Variants in KCNT1 observed in about 807,000 individuals in gnomAD.
KCNT1 encodes the protein potassium channel subfamily T member 1.
In KCNT1, 78 loss-of-function variants were observed where a neutral mutation model predicts 147.8. That is an observed-to-expected ratio of 0.53 (90% CI 0.44 to 0.64). The LOEUF (loss-of-function observed/expected upper bound fraction) is 0.64. KCNT1 is among the 30% of genes least tolerant of loss of function. KCNT1 has a pLI of 0.00. For missense variants in KCNT1, 1,419 were observed against 1,750.3 expected (o/e 0.81, Z 3.38); for synonymous variants, 867 against 748.8 (o/e 1.16, Z -2.58).
intron 2 of KCNT1, among the ~76,000 whole-genome samples, chr9:135,743,109 G>A (rs891731640): frequency 1.7e-4 from 26 of 152,250 alleles, no homozygotes; most frequent in African/African-American, 5.1e-4. Flanking sequence ...TTGTCATGGT[G>A]CCTCCCAGGG....
chr9:135,723,627 T>TG (rs1031051493), intron 2 of KCNT1, among the ~76,000 whole-genome samples: 1 of 152,116 alleles, frequency 6.6e-6, no homozygotes, highest in African/African-American at 2.4e-5. Flanking sequence ...CCCTGGGGCT[T>TG]GGGGGGCCTC....
chr9:135,745,426 G>A (rs983149255), intron 2 of KCNT1, among the ~76,000 whole-genome samples: 18 of 152,200 alleles, frequency 1.2e-4, no homozygotes, highest in African/African-American at 3.9e-4. Context: ...CCGGGGTCCC[G>A]CCTCTGCCCG....
Position 135,769,267 on chromosome 9 carries a change from A to G in KCNT1, c.1510+330A>G, listed in dbSNP as rs1427897438. ...TGTGTCTGGGGCAGGGCGCGTGTGC[A>G]TGCTGTTGGGTGATGGTGCGTCTGG... On this transcript the variant is annotated intron_variant, in intron 15 of 30. Coordinates refer to ENST00000371757, the MANE Select transcript of KCNT1 (RefSeq NM_020822.3). Among the ~76,000 whole-genome samples the G allele has an allele frequency of 7.1e-5, 6 of 85,026 alleles. No individual in the cohort carries two copies. In the Admixed American group the frequency reaches 7.1e-4, roughly 10 times the overall value. The allele number at this position is 85,026 out of a possible 152,430, so 55.8% of individuals were successfully genotyped here.
chr9:135,783,161 C>T (rs1002646185), intron 24 of KCNT1, among the ~76,000 whole-genome samples: 4 of 152,204 alleles, frequency 2.6e-5, no homozygotes, highest in Admixed American at 6.5e-5. Context: ...GTGGATGTAC[C>T]GCCTCACGTG....
chr9:135,750,281 TC>T, intron 3 of KCNT1, 104 bp downstream of exon 3: 1 of 883,710 alleles, frequency 1.1e-6, no homozygotes, highest in Non-Finnish European at 1.8e-6. Context: ...TCAGGGAGAG[TC>T]CATGGGGTGG....
intron 1 of KCNT1, among the ~76,000 whole-genome samples, chr9:135,708,296 T>TACATGCATGCAATCCCATCCAC (rs759343196): frequency 6.6e-6 from 1 of 152,198 alleles, no homozygotes; most frequent in Non-Finnish European, 1.5e-5. Flanking sequence ...ACATTGTACA[T>TACATGCATGCAATCCCATCCAC]ACATGCATGC....
chr9:135,777,295 C>T (rs779584784), intron 20 of KCNT1, 43 bp from the exon 21 acceptor site: 2 of 1,589,440 alleles, frequency 1.3e-6, no homozygotes, highest in Non-Finnish European at 1.7e-6. Context: ...CCAGCAGGAA[C>T]CACAGCCCTG....
chr9:135,764,320 A>G (rs1183980605), intron 11 of KCNT1, among the ~76,000 whole-genome samples: 1 of 152,048 alleles, frequency 6.6e-6, no homozygotes, highest in African/African-American at 2.4e-5. Context: ...CTAGCTGGTC[A>G]TGGTGGTGAT....
chr9:135,722,683 T>C (rs1462547866), intron 2 of KCNT1, among the ~76,000 whole-genome samples: 1 of 152,224 alleles, frequency 6.6e-6, no homozygotes, highest in African/African-American at 2.4e-5. Flanking sequence ...ACCAGGCTCC[T>C]GGTGAGAGCA....
At chr9:135,710,453 T>C (rs1835439264) in intron 1 of KCNT1, among the ~76,000 whole-genome samples, 1 of 152,156 alleles carries the variant, frequency 6.6e-6, no homozygotes, top group African/African-American at 2.4e-5. Context: ...ATCAACACAA[T>C]GGGAAGGATG....
At chr9:135,709,653 C>T (rs1835407715) in intron 1 of KCNT1, among the ~76,000 whole-genome samples, 1 of 152,196 alleles carries the variant, frequency 6.6e-6, no homozygotes, top group African/African-American at 2.4e-5. Context: ...TTCCATTCCT[C>T]TTCTTTGAAC....
intron 29 of KCNT1, chr9:135,791,007 T>A (rs944114645): frequency 6.6e-6 from 1 of 152,242 alleles, no homozygotes; most frequent in African/African-American, 2.4e-5. Flanking sequence ...GTGGGACACA[T>A]GCCCACGCCC....
At chr9:135,721,710 G>A (rs1418930405) in intron 2 of KCNT1, among the ~76,000 whole-genome samples, 4 of 152,248 alleles carry the variant, frequency 2.6e-5, no homozygotes, top group African/African-American at 4.8e-5. Flanking sequence ...TGTGCTTTAC[G>A]GTGTCCTGAG....
chr9:135,724,177 C>T (rs1267816407), intron 2 of KCNT1, among the ~76,000 whole-genome samples: 1 of 152,238 alleles, frequency 6.6e-6, no homozygotes, highest in African/African-American at 2.4e-5. Context: ...CAGTCCAGGC[C>T]AGCCTCAGGG....
At chr9:135,760,674 G>A (rs1206578896) in intron 11 of KCNT1, among the ~76,000 whole-genome samples, 2 of 152,164 alleles carry the variant, frequency 1.3e-5, no homozygotes, top group African/African-American at 4.8e-5. Context: ...CCAGGTATGG[G>A]CCCAGGCCAG....
At chr9:135,728,099 C>T (rs1321939883) in intron 2 of KCNT1, among the ~76,000 whole-genome samples, 1 of 152,164 alleles carries the variant, frequency 6.6e-6, no homozygotes, top group Non-Finnish European at 1.5e-5. Context: ...CGTGTGAAGG[C>T]GGGGGCAGAG....
At chr9:135,743,914 C>G (rs112425564) in intron 2 of KCNT1, among the ~76,000 whole-genome samples, 4 of 152,260 alleles carry the variant, frequency 2.6e-5, no homozygotes, top group African/African-American at 9.6e-5. Flanking sequence ...TTGGGCGTAT[C>G]AGATGCTCTG....
Position 135,775,391 on chromosome 9 carries a change from C to G in KCNT1, c.2325C>G (p.Pro775=). Residue 775 remains proline, a synonymous_variant, in exon 20 of 31, where the codon CCC becomes CCG. Transcript: ENST00000371757. ...TLCHLLPVKA[P]FCCLRLDKGC... ...GCCACCTCCTGCCTGTGAAAGCCCCCTTCTGCTGCCTGCGGCTGGACAAGG... is the reference window on the plus strand; with the variant it reads ...GCCACCTCCTGCCTGTGAAAGCCCCGTTCTGCTGCCTGCGGCTGGACAAGG... 6.2e-7 allele frequency: 1 copy of G among 1,610,846 alleles called. No individual in the cohort carries two copies. Among genetic ancestry groups the G allele is most frequent in the Non-Finnish European group, 8.5e-7 (1 of 1,178,418 alleles).
chr9:135,720,646 G>A (rs1488773921), intron 2 of KCNT1, among the ~76,000 whole-genome samples: 5 of 152,276 alleles, frequency 3.3e-5, no homozygotes, highest in East Asian at 1.9e-4. Flanking sequence ...GGCTGGGGGC[G>A]GGGGTCCTGC....
Sources: gnomAD v4.1 joint callset for allele counts (sites outside exome capture counted in the v4.1 genomes callset) on GRCh38, gnomAD v4.1.1 for gene constraint, MANE v1.5 for transcripts, NCBI Gene and HGNC (gene_info 2026-07-23, HGNC 2026-07-21) for gene names.